The following CTNNA2 variants were observed in gnomAD, a reference collection of about 807,000 sequenced individuals.
CTNNA2 encodes catenin alpha-2.
Under a neutral mutation model 101.0 loss-of-function variants are expected in CTNNA2, and 42 were observed. That is an observed-to-expected ratio of 0.42 (90% confidence interval 0.32 to 0.54). The LOEUF is 0.54. Ranked by LOEUF, CTNNA2 falls within the 20% of genes least tolerant of loss-of-function variation. The pLI is 0.14. For synonymous variants in CTNNA2, 450 were observed against 456.4 expected, an observed-to-expected ratio of 0.99 and a Z score of 0.18; for missense variants, 871 against 1,223.1, an observed-to-expected ratio of 0.71 and a Z score of 4.29.
At chr2:79,261,338 G>A (rs566385274) in intron 2 of CTNNA2, among the ~76,000 whole-genome samples, 6 of 152,306 alleles carry the variant, frequency 3.9e-5, no homozygotes, top group African/African-American at 7.2e-5. Flanking sequence ...AACAGGCTAC[G>A]TGGAGACCCT....
At chr2:80,583,022 G>T (rs1053771655) in intron 14 of CTNNA2, among the ~76,000 whole-genome samples, 1 of 152,180 alleles carries the variant, frequency 6.6e-6, no homozygotes, top group South Asian at 2.1e-4. Flanking sequence ...GGATGTGAAG[G>T]TTAAAGAATA....
At position 79,608,425 on chromosome 2, in the gene CTNNA2, C is replaced by G. The variant is rs533671088; in HGVS notation, c.-5-43127C>G. On this transcript the variant is annotated intron_variant, in intron 1 of 18. Coordinates refer to ENST00000402739, the MANE Select transcript of CTNNA2 (RefSeq NM_001282597.3). The stretch of plus-strand genomic sequence containing the variant: ...TCTCATTCTATATGGCCAGCATTAC[C>G]TGATGCCAAATTTTAGGGTGAAAAT... 7.2e-3 allele frequency among the ~76,000 whole-genome samples: 1,099 copies of G among 152,064 alleles called. 4 individuals carry two copies. The highest frequency in any genetic ancestry group is 0.027 in the Middle Eastern group (8 of 294).
intron 2 of CTNNA2, among the ~76,000 whole-genome samples, chr2:79,261,776 C>G (rs1032402827): frequency 6.6e-6 from 1 of 152,218 alleles, no homozygotes; most frequent in Non-Finnish European, 1.5e-5. Flanking sequence ...GGGATTCAGG[C>G]TTCAACCCAT....
chr2:80,461,045 A>G (rs1254989210), intron 9 of CTNNA2, among the ~76,000 whole-genome samples: 1 of 152,216 alleles, frequency 6.6e-6, no homozygotes, highest in Non-Finnish European at 1.5e-5. Context: ...TGATAGAGAT[A>G]CAGCATGAAT....
At chr2:80,000,303 A>G (rs1439719190) in intron 7 of CTNNA2, among the ~76,000 whole-genome samples, 1 of 152,206 alleles carries the variant, frequency 6.6e-6, no homozygotes, top group Non-Finnish European at 1.5e-5. Flanking sequence ...ACACTGGTCT[A>G]TAGCATTGTT....
At chr2:79,614,449 C>T (rs937392714) in intron 1 of CTNNA2, among the ~76,000 whole-genome samples, 3 of 151,998 alleles carry the variant, frequency 2.0e-5, no homozygotes, top group Admixed American at 2.0e-4. Context: ...AGGGAAAGAT[C>T]CAGGTTTTGT....
At chr2:80,056,079 C>T (rs1697196621) in intron 7 of CTNNA2, among the ~76,000 whole-genome samples, 1 of 152,176 alleles carries the variant, frequency 6.6e-6, no homozygotes, top group South Asian at 2.1e-4. Context: ...GTCACAGCTG[C>T]TATGAGTCCA....
intron 1 of CTNNA2, among the ~76,000 whole-genome samples, chr2:79,599,762 A>T (rs998209973): frequency 6.6e-6 from 1 of 152,288 alleles, no homozygotes; most frequent in South Asian, 2.1e-4. Context: ...ACGTTTAAAA[A>T]ATTTCTTTAA....
At chr2:79,197,397 T>A (rs562852933) in intron 1 of CTNNA2, among the ~76,000 whole-genome samples, 1 of 152,190 alleles carries the variant, frequency 6.6e-6, no homozygotes, top group Non-Finnish European at 1.5e-5. Flanking sequence ...TGGACCTCAA[T>A]TGGAAACTGG....
chr2:79,664,568 A>T (rs1268418781), intron 2 of CTNNA2, among the ~76,000 whole-genome samples: 2 of 152,190 alleles, frequency 1.3e-5, no homozygotes. Flanking sequence ...TGTCAGATAA[A>T]TAATAAGCCA....
At chr2:79,572,709 G>A (rs1371302881) in intron 1 of CTNNA2, among the ~76,000 whole-genome samples, 4 of 152,124 alleles carry the variant, frequency 2.6e-5, no homozygotes, top group South Asian at 2.1e-4. Context: ...CCAAGATCAC[G>A]CTGCTGCATT....
chr2:80,439,641 T>A (rs567069898), intron 9 of CTNNA2, among the ~76,000 whole-genome samples: 1 of 152,356 alleles, frequency 6.6e-6, no homozygotes, highest in South Asian at 2.1e-4. Flanking sequence ...CCTCAGGGAA[T>A]CTGCCTGCCT....
rs869066159 is a variant in CTNNA2 at position 79,258,845 on chromosome 2, C to CAAAAAAAAAAA, written c.-405-53848_-405-53838dup. 2.5e-4 allele frequency among the ~76,000 whole-genome samples: 23 copies of CAAAAAAAAAAA among 91,370 alleles called. 1 individual carries two copies. The highest frequency in any genetic ancestry group is 9.3e-4 in the African/African-American group (20 of 21,490). The allele number at this position is 91,370 out of a possible 152,430, so 59.9% of individuals were successfully genotyped here. ...ATGAAGCCAAGGCCAAATCCTCTAC[C>CAAAAAAAAAAA]AAAAAAAAAAAAAAAAAAAAAAAAA... On this transcript the variant is annotated intron_variant, in intron 2 of 21. Transcript: ENST00000466387.
At chr2:80,203,747 T>C (rs1277017163) in intron 7 of CTNNA2, among the ~76,000 whole-genome samples, 1 of 152,196 alleles carries the variant, frequency 6.6e-6, no homozygotes. Flanking sequence ...ACAGCTCCAC[T>C]AGGTGGTGCC....
At chr2:80,441,580 C>T (rs1682579726) in intron 9 of CTNNA2, among the ~76,000 whole-genome samples, 1 of 152,172 alleles carries the variant, frequency 6.6e-6, no homozygotes, top group African/African-American at 2.4e-5. Flanking sequence ...TCTTATACCA[C>T]AGGCAACACC....
intron 3 of CTNNA2, among the ~76,000 whole-genome samples, chr2:79,342,241 T>C (rs959121170): frequency 1.3e-5 from 2 of 152,346 alleles, no homozygotes; most frequent in Admixed American, 6.5e-5. Flanking sequence ...CCTGATGCTA[T>C]AGGCAGGATT....
intron 2 of CTNNA2, among the ~76,000 whole-genome samples, chr2:79,239,756 A>G (rs888513186): frequency 1.3e-5 from 2 of 152,204 alleles, no homozygotes; most frequent in Non-Finnish European, 1.5e-5. Flanking sequence ...TGTCATGAAC[A>G]GGCAACCTAT....
intron 7 of CTNNA2, among the ~76,000 whole-genome samples, chr2:80,224,665 C>T (rs1308165223): frequency 6.6e-6 from 1 of 151,880 alleles, no homozygotes; most frequent in East Asian, 1.9e-4. Context: ...AGGATGGTCT[C>T]AATCTCCTGA....
Position 80,017,480 on chromosome 2 carries a change from G to GTA in CTNNA2, c.1056+107691_1056+107692dup, listed in dbSNP as rs199976663. Reference sequence around the variant, plus strand: ...TATGTATATATGTGTATATATGTGTGTATATATATGTATATATGTGTATAT... The same window carrying GTA: ...TATGTATATATGTGTATATATGTGTGTATATATATATGTATATATGTGTATAT... On this transcript the variant is annotated intron_variant, in intron 7 of 18. Coordinates refer to ENST00000402739, the MANE Select transcript of CTNNA2 (RefSeq NM_001282597.3). 8.5e-3 allele frequency among the ~76,000 whole-genome samples: 1,289 copies of GTA among 151,516 alleles called. 16 individuals carry two copies. Among genetic ancestry groups the GTA allele is most frequent in the African/African-American group, 0.029 (1,215 of 41,230 alleles).
Sources: gnomAD v4.1 joint callset for allele counts (sites outside exome capture counted in the v4.1 genomes callset) on GRCh38, gnomAD v4.1.1 for gene constraint, MANE v1.5 for transcripts, NCBI Gene and HGNC (gene_info 2026-07-23, HGNC 2026-07-21) for gene names.